The following LRRC69 variants were observed in gnomAD, a reference collection of about 807,000 sequenced individuals.
The protein encoded by LRRC69 is leucine-rich repeat-containing protein 69.
A neutral mutation model predicts 37.8 loss-of-function variants in LRRC69; 42 were observed. The ratio of observed to expected loss-of-function variants is 1.11; its 90% CI spans 0.87 to 1.44. The LOEUF is 1.44. Ranked by LOEUF, LRRC69 falls within the 40% of genes most tolerant of loss-of-function variation. The pLI is 0.00. For synonymous variants in LRRC69, 141 were observed against 143.1 expected (o/e 0.99, Z 0.11); for missense variants, 357 against 401.9 (o/e 0.89, Z 0.96).
At chr8:91,170,140 A>G (rs573137151) in intron 5 of LRRC69, among the ~76,000 whole-genome samples, 1 of 113,112 alleles carries the variant, frequency 8.8e-6, no homozygotes, top group Admixed American at 8.4e-5. Flanking sequence ...AGTCCCACCA[A>G]CAGTGTAAAA....
At chr8:91,195,645 T>C (rs1203296586) in intron 6 of LRRC69, among the ~76,000 whole-genome samples, 4 of 152,280 alleles carry the variant, frequency 2.6e-5, no homozygotes, top group Admixed American at 1.3e-4. Context: ...AAGTCTGTTT[T>C]ATCAGAGACT....
chr8:91,156,977 T>G (rs549898251), intron 5 of LRRC69, among the ~76,000 whole-genome samples: 39 of 151,406 alleles, frequency 2.6e-4, no homozygotes, highest in African/African-American at 8.9e-4. Flanking sequence ...TTGGTCTAAG[T>G]GTCTTTTTTA....
intron 5 of LRRC69, among the ~76,000 whole-genome samples, chr8:91,185,954 A>C (rs1369701563): frequency 6.6e-6 from 1 of 152,186 alleles, no homozygotes; most frequent in African/African-American, 2.4e-5. Context: ...TGCTCCTGCT[A>C]ATCTAGCCCC....
At chr8:91,168,291 A>G (rs2130576791) in intron 5 of LRRC69, among the ~76,000 whole-genome samples, 1 of 151,992 alleles carries the variant, frequency 6.6e-6, no homozygotes, top group East Asian at 1.9e-4. Flanking sequence ...AGGGGCCGAA[A>G]GATGACCAGA....
rs143324443 is a variant in LRRC69 at position 91,127,095 on chromosome 8, A to T, written c.318A>T (p.Leu106Phe). The change falls in exon 3 of 8, where the codon TTA (leucine) becomes TTT (phenylalanine). Residue 106 changes from leucine (L) to phenylalanine (F), a missense_variant. Physicochemically the swap from Leu to Phe is conservative, Grantham distance 22 (BLOSUM62 0). Transcript: ENST00000448384. ...AAAATTATTTTCTAACAGATGGCTT[A>T]CAAAATTTAATCCTGCTTAATCTGA... 42 of 1,547,212 alleles carry T rather than the reference A, an allele frequency of 2.7e-5. No homozygotes were observed. Among genetic ancestry groups the T allele is most frequent in the Non-Finnish European group, 3.6e-5 (41 of 1,145,382 alleles).
intron 7 of LRRC69, among the ~76,000 whole-genome samples, chr8:91,209,197 C>T (rs571868528): frequency 6.6e-5 from 10 of 152,048 alleles, no homozygotes; most frequent in African/African-American, 4.8e-5. Context: ...GAGGCCGAGG[C>T]GGGCGGATCA....
At chr8:91,200,086 G>C (rs968433558) in intron 6 of LRRC69, among the ~76,000 whole-genome samples, 2 of 152,106 alleles carry the variant, frequency 1.3e-5, no homozygotes, top group Non-Finnish European at 2.9e-5. Context: ...TTCAATATGC[G>C]TATAGATTAC....
intron 4 of LRRC69, among the ~76,000 whole-genome samples, chr8:91,134,076 G>A (rs968677149): frequency 2.0e-5 from 3 of 150,862 alleles, no homozygotes; most frequent in Non-Finnish European, 4.4e-5. Flanking sequence ...CTTCTGCTTG[G>A]GAGACTGACC....
At chr8:91,205,036 AT>A (rs1247438208) in intron 7 of LRRC69, among the ~76,000 whole-genome samples, 5 of 152,188 alleles carry the variant, frequency 3.3e-5, no homozygotes, top group African/African-American at 1.2e-4. Context: ...TTCAGGATGC[AT>A]CTTGTCCAAA....
rs764243361 is a variant in LRRC69, at chr8:91,133,236, A to C, written c.510A>C (p.Glu170Asp). Reference sequence around the variant, plus strand: ...ACAATCAGCTGATATGCATACCTGAAGAGATTAAATTCTTGAAGAAGCTTC... The same window carrying C: ...ACAATCAGCTGATATGCATACCTGACGAGATTAAATTCTTGAAGAAGCTTC... Residue 170 changes from glutamate (E) to aspartate (D), a missense_variant, in exon 4 of 8, where the codon GAA becomes GAC. Glu to Asp is a conservative substitution (Grantham distance 45). Transcript: ENST00000448384. 4.6e-5 allele frequency: 71 copies of C among 1,529,136 alleles called. No individual in the cohort carries two copies. Among genetic ancestry groups the C allele is most frequent in the Admixed American group, 9.1e-5 (4 of 44,024 alleles). 94.7% of individuals were successfully genotyped at this position (1,529,136 alleles called of 1,614,324 possible). A position where few individuals can be genotyped will look rare whatever the true frequency, so the allele number is the denominator to read the frequency against.
intron 7 of LRRC69, among the ~76,000 whole-genome samples, chr8:91,213,174 G>A (rs1312340819): frequency 6.6e-6 from 1 of 152,168 alleles, no homozygotes; most frequent in Non-Finnish European, 1.5e-5. Context: ...CAGGACCACT[G>A]TGTGGGGAAG....
chr8:91,219,025 C>A (rs139449787), downstream of LRRC69: 20 of 1,323,764 alleles, frequency 1.5e-5, no homozygotes, highest in East Asian at 5.1e-4. Flanking sequence ...TCATTCATAG[C>A]CTCACTCCAC....
chr8:91,194,899 T>C (rs1019027177), intron 6 of LRRC69, among the ~76,000 whole-genome samples: 8 of 152,048 alleles, frequency 5.3e-5, no homozygotes, highest in Non-Finnish European at 8.8e-5. Flanking sequence ...TTGAATGTGT[T>C]TGCTCTTGCT....
At chr8:91,153,363 C>A (rs1387842949) in intron 5 of LRRC69, among the ~76,000 whole-genome samples, 1 of 151,218 alleles carries the variant, frequency 6.6e-6, no homozygotes, top group East Asian at 1.9e-4. Flanking sequence ...TCAAGTGGAC[C>A]TGATAGATAT....
At chr8:91,163,579 T>G (rs760876318) in intron 5 of LRRC69, among the ~76,000 whole-genome samples, 24 of 151,604 alleles carry the variant, frequency 1.6e-4, no homozygotes, top group Non-Finnish European at 3.2e-4. Context: ...CAACTTCCAC[T>G]TTATTTGCTT....
Position 91,214,415 on chromosome 8 carries a change from T to C in LRRC69, c.934-4475T>C, listed in dbSNP as rs537321362. Among the ~76,000 whole-genome samples the C allele has an allele frequency of 3.3e-5, 5 of 152,310 alleles. No individual in the cohort carries two copies. In the East Asian group the frequency reaches 9.6e-4, roughly 29 times the overall value. On this transcript the variant is annotated intron_variant, in intron 7 of 7. Transcript: ENST00000448384. ...CTTCAGTATGTTATTTGAAAACATG[T>C]GCACTTTCCAACAACTGTTCATTCT...
chr8:91,114,355 T>A (rs1813469237), intron 1 of LRRC69, among the ~76,000 whole-genome samples: 2 of 151,964 alleles, frequency 1.3e-5, no homozygotes, highest in Admixed American at 6.6e-5. Flanking sequence ...CACTCACATG[T>A]TCATTGCAGC....
chr8:91,150,164 A>G (rs201164032), intron 5 of LRRC69, among the ~76,000 whole-genome samples: 40 of 151,718 alleles, frequency 2.6e-4, no homozygotes, highest in Non-Finnish European at 5.6e-4. Flanking sequence ...TCTTGTGCCA[A>G]TTTTCAAATG....
chr8:91,206,877 G>A, intron 7 of LRRC69: 1 of 1,277,532 alleles, frequency 7.8e-7, no homozygotes, highest in Non-Finnish European at 1.0e-6. Context: ...AAGCTGCCAA[G>A]TAGAGGATAT....
Sources: gnomAD v4.1 joint callset for allele counts (sites outside exome capture counted in the v4.1 genomes callset) on GRCh38, gnomAD v4.1.1 for gene constraint, MANE v1.5 for transcripts, NCBI Gene and HGNC (gene_info 2026-07-23, HGNC 2026-07-21) for gene names.